Variants in PRPF18 observed in about 807,000 individuals in gnomAD.
PRPF18 encodes the protein pre-mRNA-splicing factor 18.
A neutral mutation model predicts 46.5 loss-of-function variants in PRPF18; 38 were observed. The observed-to-expected ratio is 0.82, with a 90% CI of 0.63 to 1.07. The LOEUF (loss-of-function observed/expected upper bound fraction) is 1.07, where lower values mean the gene tolerates loss of function less well. PRPF18 is among the 50% of genes least tolerant of loss of function. The pLI is 0.00. For missense variants in PRPF18, 263 were observed against 410.0 expected (o/e 0.64, Z 3.10); for synonymous variants, 152 against 146.7 (o/e 1.04, Z -0.26).
At chr10:13,606,972 T>C (rs2080195875) in intron 4 of PRPF18, among the ~76,000 whole-genome samples, 1 of 152,214 alleles carries the variant, frequency 6.6e-6, no homozygotes, top group Non-Finnish European at 1.5e-5. Flanking sequence ...AACCATTCTC[T>C]TTTGTGTCTG....
intron 9 of PRPF18, among the ~76,000 whole-genome samples, chr10:13,617,510 C>A (rs1025687021): frequency 6.7e-6 from 1 of 149,838 alleles, no homozygotes. Context: ...TTTTAATAAC[C>A]ACCAGTGAGT....
Position 13,605,664 on chromosome 10 carries a change from A to G in PRPF18, c.283A>G (p.Ile95Val), listed in dbSNP as rs1458333546. Residue 95 changes from isoleucine (I) to valine (V), a missense_variant, in exon 4 of 10, where the codon ATC becomes GTC. Around this residue, in one of 4 missense-constraint regions of PRPF18, gnomAD observed 155 missense variants for 245.1 expected, o/e 0.63. Transcript: ENST00000378572. ...AAGATTGAGAGAAAGAGGAGAACCA[A>G]TCAGACTATTTGGAGAGACTGATTA... ...IRRLRERGEP[I>V]RLFGETDYDA... The G allele has an allele frequency of 6.2e-7, 1 of 1,613,364 alleles. No individual in the cohort carries two copies. The highest frequency in any genetic ancestry group is 8.5e-7 in the Non-Finnish European group (1 of 1,179,738).
intron 9 of PRPF18, among the ~76,000 whole-genome samples, chr10:13,620,326 G>A (rs941483543): frequency 1.3e-5 from 2 of 152,192 alleles, no homozygotes; most frequent in Non-Finnish European, 2.9e-5. Context: ...CGTAGTAAAT[G>A]TATGAACGAA....
intron 1 of PRPF18, among the ~76,000 whole-genome samples, chr10:13,595,500 G>A (rs1010893414): frequency 5.9e-5 from 9 of 152,304 alleles, no homozygotes; most frequent in East Asian, 1.9e-4. Context: ...TTTAGATGCC[G>A]AAATAATATT....
At chr10:13,634,656 C>G (rs535001444), downstream of PRPF18, among the ~76,000 whole-genome samples, 12 of 152,302 alleles carry the variant, frequency 7.9e-5, no homozygotes, top group Admixed American at 6.5e-4. Flanking sequence ...GAATTTGAAA[C>G]TTTTGGACCA....
At chr10:13,622,843 A>G (rs2080439233) in intron 9 of PRPF18, among the ~76,000 whole-genome samples, 1 of 152,178 alleles carries the variant, frequency 6.6e-6, no homozygotes, top group Non-Finnish European at 1.5e-5. Context: ...CAGATCAGTA[A>G]TTTAAAAGTC....
the PRPF18 span, chr10:13,642,714 C>T: frequency 3.9e-5 from 6 of 152,102 alleles, no homozygotes; most frequent in Non-Finnish European, 7.3e-5. Flanking sequence ...AGAAGACTTA[C>T]GTGAGGGCCC....
intron 9 of PRPF18, among the ~76,000 whole-genome samples, chr10:13,626,327 C>T (rs988741549): frequency 6.6e-6 from 1 of 152,016 alleles, no homozygotes; most frequent in African/African-American, 2.4e-5. Flanking sequence ...TGATCAGATC[C>T]TGAGTGATGT....
At chr10:13,627,868 G>T (rs994498977) in intron 9 of PRPF18, among the ~76,000 whole-genome samples, 10 of 152,158 alleles carry the variant, frequency 6.6e-5, no homozygotes, top group Non-Finnish European at 8.8e-5. Flanking sequence ...CCTTCCGCTT[G>T]CGCATAACAA....
intron 4 of PRPF18, among the ~76,000 whole-genome samples, chr10:13,607,331 C>T (rs941024607): frequency 2.0e-5 from 3 of 151,968 alleles, no homozygotes; most frequent in African/African-American, 7.3e-5. Context: ...GTCAGATATA[C>T]GAATATTTTT....
intron 2 of PRPF18, among the ~76,000 whole-genome samples, 187 bp from the exon 3 acceptor site, chr10:13,600,057 C>G (rs2133348193): frequency 6.6e-6 from 1 of 152,262 alleles, no homozygotes; most frequent in South Asian, 2.1e-4. Flanking sequence ...TTGTGATGCC[C>G]CTGACGTGAA....
chr10:13,647,734 T>G, the PRPF18 span: 1 of 104,132 alleles, frequency 9.6e-6, no homozygotes, highest in Non-Finnish European at 2.0e-5. Context: ...ATAAAAGGCT[T>G]TTTTTTTTTT....
intron 9 of PRPF18, among the ~76,000 whole-genome samples, chr10:13,617,566 A>G (rs1182636237): frequency 6.6e-6 from 1 of 150,578 alleles, no homozygotes; most frequent in Non-Finnish European, 1.5e-5. Context: ...AAAGTTGCTT[A>G]GCTTTAACAA....
intron 9 of PRPF18, among the ~76,000 whole-genome samples, chr10:13,618,708 T>C (rs1240264831): frequency 6.6e-6 from 1 of 151,638 alleles, no homozygotes. Flanking sequence ...CCTAATAACT[T>C]AGTGTAGGTT....
rs553996102 is a variant in PRPF18 at position 13,608,788 on chromosome 10, C to T, written c.364-1251C>T. ...TTTGTATGCCAAGTCCTGTGCCGTG[C>T]ATCTAGAGGTTTTGAGGACAAAGCA... On this transcript the variant is annotated intron_variant, in intron 4 of 9. Coordinates refer to ENST00000378572, the MANE Select transcript of PRPF18 (RefSeq NM_003675.4). 3.3e-5 allele frequency among the ~76,000 whole-genome samples: 5 copies of T among 152,336 alleles called. No homozygotes were observed. The South Asian group carries it at 6.2e-4, about 19-fold the overall frequency.
intron 1 of PRPF18, among the ~76,000 whole-genome samples, chr10:13,590,850 A>G (rs2079951707): frequency 6.6e-6 from 1 of 152,166 alleles, no homozygotes; most frequent in Non-Finnish European, 1.5e-5. Context: ...TGATCTGTTA[A>G]CCTGTACAGA....
chr10:13,613,116 C>T (rs551636610), intron 6 of PRPF18, among the ~76,000 whole-genome samples: 1 of 152,242 alleles, frequency 6.6e-6, no homozygotes, highest in East Asian at 1.9e-4. Flanking sequence ...GTGATGGCCT[C>T]TTCTTTTTTA....
At chr10:13,616,607 C>T (rs2080344408) in intron 9 of PRPF18, 54 bp downstream of exon 9, 1 of 1,587,336 alleles carries the variant, frequency 6.3e-7, no homozygotes, top group East Asian at 2.2e-5. Flanking sequence ...TCTCTAATTC[C>T]CAAAACTCTA....
At chr10:13,644,127 C>A in the PRPF18 span, 1 of 152,560 alleles carries the variant, frequency 6.6e-6, no homozygotes, top group South Asian at 2.1e-4. Context: ...ACAGTTTCAA[C>A]ACTCACCTGC....
Sources: allele counts gnomAD v4.1 joint callset (sites outside exome capture counted in the v4.1 genomes callset), GRCh38; gene constraint gnomAD v4.1.1; regional missense constraint gnomAD v4.1.1; transcripts MANE v1.5; gene names NCBI Gene and HGNC (gene_info 2026-07-23, HGNC 2026-07-21).